KLHL11: variants seen among roughly 807,000 people sequenced by gnomAD.
KLHL11 encodes kelch-like protein 11.
KLHL11 carries 26 observed loss-of-function variants against 56.1 expected under a neutral mutation model. That is an observed-to-expected ratio of 0.46 (90% confidence interval 0.34 to 0.64). KLHL11 has a LOEUF of 0.64. Among genes scored for constraint, KLHL11 ranks in the 30% least tolerant of loss-of-function variants. The pLI is 0.01. For synonymous variants in KLHL11, 338 were observed against 345.8 expected (o/e 0.98, Z 0.25); for missense variants, 627 against 919.4 (o/e 0.68, Z 4.11).
At chr17:41,859,122 T>C (rs1441600318) in intron 1 of KLHL11, among the ~76,000 whole-genome samples, 1 of 152,158 alleles carries the variant, frequency 6.6e-6, no homozygotes, top group African/African-American at 2.4e-5. Flanking sequence ...ACCAGAGCTT[T>C]TTCTTTGGGC....
At chr17:41,858,408 T>TTTTGTTG (rs1555622762) in intron 1 of KLHL11, among the ~76,000 whole-genome samples, 14 of 143,958 alleles carry the variant, frequency 9.7e-5, no homozygotes, top group African/African-American at 3.6e-4. Flanking sequence ...ATATATATTT[T>TTTTGTTG]TTGTTGTTGT....
At chr17:41,858,642 C>A (rs999377379) in intron 1 of KLHL11, among the ~76,000 whole-genome samples, 2 of 152,072 alleles carry the variant, frequency 1.3e-5, no homozygotes, top group African/African-American at 4.8e-5. Context: ...TCATGTTGGC[C>A]AGGCTGGGCT....
rs782701237 is a variant in KLHL11 at position 41,853,893 on chromosome 17, G to A, written c.1974C>T (p.His658=). 5 of 1,614,082 alleles carry A rather than the reference G, an allele frequency of 3.1e-6. No individual in the cohort carries two copies. In the African/African-American group the frequency reaches 5.3e-5, roughly 17 times the overall value. Residue 658 remains histidine, a synonymous_variant, in exon 2 of 2, where the codon CAC becomes CAT. Transcript: ENST00000319121. Reference sequence around the variant, plus strand: ...GCAAGTACCGGTATGGGATCCTCACGTGACAAGCAGTGGCTCTACAACGAG... The same window carrying A: ...GCAAGTACCGGTATGGGATCCTCACATGACAAGCAGTGGCTCTACAACGAG... ...PQPRCRATAC[H]VRIPYRYLHG...
At position 41,865,376 on chromosome 17, in the gene KLHL11, C is replaced by T. The variant is rs1267372861; in HGVS notation, c.-6G>A. On this transcript the variant is annotated 5_prime_UTR_variant, in exon 1 of 2. Coordinates refer to ENST00000319121, the MANE Select transcript of KLHL11 (RefSeq NM_018143.3). ...GCCACTGCCGCAGCCGCCATCTTGA[C>T]GCCGCTGCGCCCGGCCTCCACAGCC... 1.2e-5 allele frequency: 17 copies of T among 1,396,746 alleles called. No homozygotes were observed. Among genetic ancestry groups the T allele is most frequent in the Non-Finnish European group, 1.6e-5 (17 of 1,075,108 alleles). 86.5% of individuals were successfully genotyped at this position (1,396,746 alleles called of 1,614,324 possible).
chr17:41,854,805 A>G lies in KLHL11; in HGVS notation c.1062T>C (p.Tyr354=). 2 of 1,614,190 alleles carry G rather than the reference A, an allele frequency of 1.2e-6. No homozygotes were observed. The highest frequency in any genetic ancestry group is 2.2e-5 in the East Asian group (1 of 44,890). ...PTSHVSLLPR[Y]GQNMDVIMVI... ...CCATGATCACATCCATGTTTTGCCCATAACGAGGCAATAGTGACACATGAG... is the reference window on the plus strand; with the variant it reads ...CCATGATCACATCCATGTTTTGCCCGTAACGAGGCAATAGTGACACATGAG... The change falls in exon 2 of 2, where the codon TAT becomes TAC. Residue 354 remains tyrosine (Y), a synonymous_variant. Coordinates refer to ENST00000319121, the MANE Select transcript of KLHL11 (RefSeq NM_018143.3). This position sits in a 1 kb window ranked among gnomAD's most constrained non-coding sequence, Gnocchi z 4.9.
Position 41,853,733 on chromosome 17 carries a change from A to G in KLHL11, c.*7T>C. On this transcript the variant is annotated 3_prime_UTR_variant, in exon 2 of 2. Transcript: ENST00000319121. ...GTAACAGTTTTAATCGGCACGCTTGAGAGAACCTAGCATTCAATCTGAGAG... is the reference window on the plus strand; with the variant it reads ...GTAACAGTTTTAATCGGCACGCTTGGGAGAACCTAGCATTCAATCTGAGAG... 6.2e-7 allele frequency: 1 copy of G among 1,600,594 alleles called. No individual in the cohort carries two copies. The highest frequency in any genetic ancestry group is 1.3e-5 in the African/African-American group (1 of 74,814).
In KLHL11 at chr17:41,865,008, G is replaced by A. The variant is rs782664061; in HGVS notation, c.363C>T (p.Tyr121=). The A allele has an allele frequency of 7.5e-6, 12 of 1,603,090 alleles. No homozygotes were observed. In the Admixed American group the frequency reaches 1.9e-4, roughly 25 times the overall value. The change falls in exon 1 of 2, where the codon TAC becomes TAT. Residue 121 remains tyrosine (Y), a synonymous_variant. Transcript: ENST00000319121. Reference sequence around the variant, plus strand: ...ACTGGCCCGAGAGCAGGGGCGTGAAGTACTCGGTGGCGGCAGCCAGTACCG... The same window carrying A: ...ACTGGCCCGAGAGCAGGGGCGTGAAATACTCGGTGGCGGCAGCCAGTACCG... ...HRSVLAAATE[Y]FTPLLSGQFS...
At chr17:41,855,796 C>T (rs1331254627) in intron 1 of KLHL11, among the ~76,000 whole-genome samples, 4 of 151,048 alleles carry the variant, frequency 2.6e-5, no homozygotes, top group African/African-American at 4.9e-5. Context: ...CTCAGCCTCC[C>T]AAGTAGCTGG....
chr17:41,865,301 C>G lies in KLHL11; in HGVS notation c.70G>C (p.Glu24Gln), dbSNP rs962574854. ...CCGGCGGCGGCCGTCTCCATGCTCTCCATCTCCAGTACCTGAAGAGATGCA... is the reference window on the plus strand; with the variant it reads ...CCGGCGGCGGCCGTCTCCATGCTCTGCATCTCCAGTACCTGAAGAGATGCA... ...AAASLQVLEM[E>Q]SMETAAAGSA... Residue 24 changes from glutamate to glutamine, a missense_variant, in exon 1 of 2, where the codon GAG becomes CAG. Physicochemically the swap from Glu to Gln is conservative, Grantham distance 29 (BLOSUM62 2). Around this residue, in one of 4 missense-constraint regions of KLHL11, gnomAD observed 121 missense variants for 116.2 expected, o/e 1.04. Coordinates refer to ENST00000319121, the MANE Select transcript of KLHL11 (RefSeq NM_018143.3). The G allele has an allele frequency of 6.4e-7, 1 of 1,560,340 alleles. No homozygotes were observed.
chr17:41,863,426 A>G (rs919723189), intron 1 of KLHL11, among the ~76,000 whole-genome samples: 2 of 151,508 alleles, frequency 1.3e-5, no homozygotes, highest in Non-Finnish European at 2.9e-5. Flanking sequence ...CGAACTCCTG[A>G]CCTCAAGCAT....
chr17:41,861,979 T>A (rs1555623083), intron 1 of KLHL11, among the ~76,000 whole-genome samples: 1 of 152,150 alleles, frequency 6.6e-6, no homozygotes, highest in African/African-American at 2.4e-5. Context: ...GTCAATGGCA[T>A]CTCTGACCTG....
intron 1 of KLHL11, among the ~76,000 whole-genome samples, chr17:41,862,919 C>A (rs958247075): frequency 1.3e-5 from 2 of 152,206 alleles, no homozygotes; most frequent in Non-Finnish European, 2.9e-5. Flanking sequence ...CCCAAACAGG[C>A]TCTTCTGCAA....
At chr17:41,863,956 C>A (rs1385904179) in intron 1 of KLHL11, among the ~76,000 whole-genome samples, 1 of 152,196 alleles carries the variant, frequency 6.6e-6, no homozygotes, top group Non-Finnish European at 1.5e-5. Flanking sequence ...ACAGGCTATA[C>A]ATTTTACTTA....
chr17:41,852,962 T>C lies in KLHL11; in HGVS notation c.*778A>G, dbSNP rs2144150382. On this transcript the variant is annotated 3_prime_UTR_variant, in exon 2 of 2. Coordinates refer to ENST00000319121, the MANE Select transcript of KLHL11 (RefSeq NM_018143.3). ...TTGAAAAAATTTTAAATGCCTTTGA[T>C]TTCCCAGTCTACACTAATACTTTTC... 6.6e-6 allele frequency among the ~76,000 whole-genome samples: 1 copy of C among 152,254 alleles called. No homozygotes were observed. The highest frequency in any genetic ancestry group is 1.5e-5 in the Non-Finnish European group (1 of 68,022).
At chr17:41,858,620 G>T (rs2048383433) in intron 1 of KLHL11, among the ~76,000 whole-genome samples, 2 of 151,940 alleles carry the variant, frequency 1.3e-5, no homozygotes, top group South Asian at 4.2e-4. Context: ...TTTTAGTAGA[G>T]ACAGGGTTTC....
chr17:41,854,568 C>A lies in KLHL11; in HGVS notation c.1299G>T (p.Trp433Cys), dbSNP rs1555622332. ...VERYNPNLNTWEHVCSLMTRK... is the reference protein window; with the variant it reads ...VERYNPNLNTCEHVCSLMTRK... ...TTGTCATCAGACTACAAACATGTTC[C>A]CATGTATTCAAATTTGGGTTATACC... Residue 433 changes from tryptophan to cysteine, a missense_variant, in exon 2 of 2, where the codon TGG becomes TGT. Physicochemically the swap from Trp to Cys is radical, Grantham distance 215 (BLOSUM62 -2). Transcript: ENST00000319121. The surrounding 1 kb of genome is among the most constrained non-coding windows in gnomAD (Gnocchi z 4.9). 1 of 1,614,156 alleles carries A rather than the reference C, an allele frequency of 6.2e-7. No individual in the cohort carries two copies. Among genetic ancestry groups the A allele is most frequent in the Non-Finnish European group, 8.5e-7 (1 of 1,180,020 alleles).
chr17:41,864,688 G>C lies in KLHL11; in HGVS notation c.545+138C>G, dbSNP rs2048426031. ...CACCGCGGTGGCTGCCCCCAAGCAG[G>C]CGCTCAGCGAGTGTGAAACCAATGC... On this transcript the variant is annotated intron_variant, in intron 1 of 1. Transcript: ENST00000319121. 6 of 937,562 alleles carry C rather than the reference G, an allele frequency of 6.4e-6. 1 individual carries two copies. In the East Asian group the frequency reaches 1.6e-4, roughly 25 times the overall value. The allele number at this position is 937,562 out of a possible 1,614,324, so 58.1% of individuals were successfully genotyped here.
At chr17:41,862,415 G>A (rs1383101906) in intron 1 of KLHL11, among the ~76,000 whole-genome samples, 2 of 150,868 alleles carry the variant, frequency 1.3e-5, no homozygotes, top group African/African-American at 4.9e-5. Flanking sequence ...TGGGACTACA[G>A]GCACCCGCCA....
At position 41,853,830 on chromosome 17, in the gene KLHL11, C is replaced by T. The variant is rs782175950; in HGVS notation, c.2037G>A (p.Met679Ile). 23 of 1,614,048 alleles carry T rather than the reference C, an allele frequency of 1.4e-5. No individual in the cohort carries two copies. Among genetic ancestry groups the T allele is most frequent in the Non-Finnish European group, 1.9e-5 (23 of 1,180,040 alleles). Residue 679 changes from methionine to isoleucine, a missense_variant, in exon 2 of 2, where the codon ATG becomes ATA. Around this residue, in one of 4 missense-constraint regions of KLHL11, gnomAD observed 250 missense variants for 360.6 expected, o/e 0.69. Transcript: ENST00000319121. ...TQRYPMPQNLMWQKDRIRQMQ... is the reference protein window; with the variant it reads ...TQRYPMPQNLIWQKDRIRQMQ... ...TCTGTCTGATGCGGTCCTTCTGCCACATCAGGTTTTGAGGCATAGGGTATC... is the reference window on the plus strand; with the variant it reads ...TCTGTCTGATGCGGTCCTTCTGCCATATCAGGTTTTGAGGCATAGGGTATC...
Sources: gnomAD v4.1 joint callset for allele counts (sites outside exome capture counted in the v4.1 genomes callset) on GRCh38, gnomAD v4.1.1 for gene constraint, gnomAD v4.1.1 regional missense constraint, Gnocchi (gnomAD v3.1) non-coding constraint, MANE v1.5 for transcripts, NCBI Gene and HGNC (gene_info 2026-07-23, HGNC 2026-07-21) for gene names.